The following PDE4B variants were observed in gnomAD, a reference collection of about 807,000 sequenced individuals.
PDE4B encodes phosphodiesterase 4B.
PDE4B carries 20 observed loss-of-function variants against 82.2 expected under a neutral mutation model. The ratio of observed to expected loss-of-function variants is 0.24; its 90% CI spans 0.17 to 0.35. The LOEUF (loss-of-function observed/expected upper bound fraction) is 0.35. PDE4B is among the 10% of genes least tolerant of loss of function. PDE4B has a pLI of 1.00. For missense variants in PDE4B, 655 were observed against 907.2 expected, an observed-to-expected ratio of 0.72 and a Z score of 3.57; for synonymous variants, 320 against 318.9, an observed-to-expected ratio of 1.00 and a Z score of -0.04.
chr1:66,328,632 C>T (rs896604116), intron 7 of PDE4B, among the ~76,000 whole-genome samples: 1 of 152,206 alleles, frequency 6.6e-6, no homozygotes, highest in East Asian at 1.9e-4. Context: ...TTCCTGTCAC[C>T]TGCCTGTCTC....
chr1:66,185,974 A>G (rs983683201), intron 3 of PDE4B, among the ~76,000 whole-genome samples: 4 of 152,202 alleles, frequency 2.6e-5, no homozygotes. Flanking sequence ...TTTAGGTCTA[A>G]CATTTAAGTC....
chr1:66,282,356 AG>A (rs1041273840), intron 7 of PDE4B, among the ~76,000 whole-genome samples: 2 of 152,178 alleles, frequency 1.3e-5, no homozygotes, highest in African/African-American at 4.8e-5. Flanking sequence ...GAAAAGAGGC[AG>A]GGGAGAATTT....
At chr1:66,159,993 G>A (rs7527119) in intron 3 of PDE4B, among the ~76,000 whole-genome samples, 16,985 of 152,220 alleles carry the variant, frequency 0.11, 1,291 homozygotes, top group South Asian at 0.27. Context: ...CCATTCACAT[G>A]CTGGATGTTT....
At chr1:66,296,813 A>C (rs1322763212) in intron 7 of PDE4B, among the ~76,000 whole-genome samples, 2 of 152,160 alleles carry the variant, frequency 1.3e-5, no homozygotes, top group Non-Finnish European at 2.9e-5. Flanking sequence ...CAACTCTTAC[A>C]CGAAATTTTT....
At chr1:66,371,061 CATATAT>C (rs5774812) in intron 16 of PDE4B, among the ~76,000 whole-genome samples, 1 of 110,862 alleles carries the variant, frequency 9.0e-6, no homozygotes, top group African/African-American at 3.2e-5. Flanking sequence ...ACACATCATA[CATATAT>C]ATATATATAT....
chr1:66,242,596 A>G (rs1652971130), intron 3 of PDE4B, among the ~76,000 whole-genome samples: 3 of 152,220 alleles, frequency 2.0e-5, no homozygotes, highest in Admixed American at 2.0e-4. Context: ...TTGTGCAAGT[A>G]ATTGGGGATC....
intron 3 of PDE4B, among the ~76,000 whole-genome samples, chr1:66,162,386 A>T (rs573659711): frequency 2.2e-5 from 3 of 137,892 alleles, no homozygotes; most frequent in Non-Finnish European, 4.6e-5. Context: ...CTTCCAGCGA[A>T]GGGAAAGAGT....
chr1:65,949,896 A>G (rs1054745153), intron 3 of PDE4B, among the ~76,000 whole-genome samples: 4 of 151,956 alleles, frequency 2.6e-5, no homozygotes, highest in African/African-American at 4.8e-5. Flanking sequence ...AGATATCCCC[A>G]TCCAAGCATC....
chr1:66,161,030 C>A (rs544897565), intron 3 of PDE4B, among the ~76,000 whole-genome samples: 1 of 146,042 alleles, frequency 6.8e-6, no homozygotes, highest in Non-Finnish European at 1.5e-5. Flanking sequence ...CCAGAAACAA[C>A]CAGTCTTCTG....
At chr1:65,972,596 G>T (rs1368439729) in intron 3 of PDE4B, among the ~76,000 whole-genome samples, 3 of 152,182 alleles carry the variant, frequency 2.0e-5, no homozygotes, top group Admixed American at 1.3e-4. Flanking sequence ...CAACTGGTAA[G>T]TGTGGAATTG....
intron 1 of PDE4B, among the ~76,000 whole-genome samples, chr1:65,877,358 G>A (rs530896325): frequency 6.6e-6 from 1 of 152,172 alleles, no homozygotes; most frequent in Non-Finnish European, 1.5e-5. Flanking sequence ...GCTCACGCCT[G>A]TAATCCCAGC....
At chr1:66,000,166 T>A (rs147778705) in intron 3 of PDE4B, among the ~76,000 whole-genome samples, 4 of 152,354 alleles carry the variant, frequency 2.6e-5, no homozygotes, top group African/African-American at 9.6e-5. Flanking sequence ...TTTTTCTTCA[T>A]TCATCAAGTA....
chr1:66,281,187 C>T (rs1176730900), intron 7 of PDE4B, among the ~76,000 whole-genome samples: 1 of 152,240 alleles, frequency 6.6e-6, no homozygotes, highest in East Asian at 1.9e-4. Flanking sequence ...TCTGCTTCTG[C>T]AGAAGTGGAA....
chr1:66,009,994 C>G (rs1021047949), intron 3 of PDE4B, among the ~76,000 whole-genome samples: 1 of 151,706 alleles, frequency 6.6e-6, no homozygotes, highest in South Asian at 2.1e-4. Flanking sequence ...TCTCTTTTCT[C>G]TCTCCAATTA....
intron 7 of PDE4B, among the ~76,000 whole-genome samples, chr1:66,269,025 C>T (rs369962852): frequency 2.0e-5 from 3 of 152,056 alleles, no homozygotes; most frequent in Admixed American, 6.6e-5. Flanking sequence ...TTGAATTGAC[C>T]GGGAAAACTA....
intron 12 of PDE4B, among the ~76,000 whole-genome samples, chr1:66,364,556 A>G (rs1188281871): frequency 6.6e-6 from 1 of 152,196 alleles, no homozygotes; most frequent in African/African-American, 2.4e-5. Flanking sequence ...TCACCTTTAC[A>G]GATTCAGTTT....
intron 1 of PDE4B, among the ~76,000 whole-genome samples, chr1:65,805,474 A>G (rs1645744621): frequency 6.6e-6 from 1 of 152,242 alleles, no homozygotes; most frequent in Non-Finnish European, 1.5e-5. Flanking sequence ...CTGTGTGTCT[A>G]AAGAAAAGAA....
intron 1 of PDE4B, among the ~76,000 whole-genome samples, chr1:65,905,602 A>G (rs1387523967): frequency 6.6e-6 from 1 of 152,162 alleles, no homozygotes; most frequent in Non-Finnish European, 1.5e-5. Context: ...AATATAAGGA[A>G]TTTTGCATTT....
intron 3 of PDE4B, among the ~76,000 whole-genome samples, chr1:66,182,136 T>C (rs1031806534): frequency 2.2e-4 from 34 of 152,126 alleles, no homozygotes; most frequent in African/African-American, 8.2e-4. Flanking sequence ...ATTTTGAATG[T>C]TTTTGAAATA....
Sources: gnomAD v4.1 joint callset for allele counts (sites outside exome capture counted in the v4.1 genomes callset) on GRCh38, gnomAD v4.1.1 for gene constraint, MANE v1.5 for transcripts, NCBI Gene and HGNC (gene_info 2026-07-23, HGNC 2026-07-21) for gene names.